Variants in CNTNAP2 observed in about 807,000 individuals in gnomAD.
The protein encoded by CNTNAP2 is contactin-associated protein-like 2.
Under a neutral mutation model 155.2 loss-of-function variants are expected in CNTNAP2, and 98 were observed. The observed-to-expected ratio is 0.63, with a 90% confidence interval of 0.54 to 0.75. The LOEUF (loss-of-function observed/expected upper bound fraction) is 0.75, where lower values mean the gene tolerates loss of function less well. Ranked by LOEUF, CNTNAP2 falls within the 30% of genes least tolerant of loss-of-function variation. CNTNAP2 has a pLI of 0.00. For synonymous variants in CNTNAP2, 651 were observed against 631.2 expected (o/e 1.03, Z -0.47); for missense variants, 1,727 against 1,688.1 (o/e 1.02, Z -0.40).
chr7:147,566,333 G>A (rs1014673326), intron 12 of CNTNAP2, among the ~76,000 whole-genome samples: 1 of 128,096 alleles, frequency 7.8e-6, no homozygotes, highest in Non-Finnish European at 1.7e-5. Flanking sequence ...GAGGGGTAGA[G>A]GGAGGGGGAG....
In CNTNAP2 at chr7:146,426,188, A is replaced by T. The variant is rs1050532065; in HGVS notation, c.97+309215A>T. ...GCTACAGAGTGAGACTTCGCCTCAA[A>T]AAAAAAAAAAAAAAAAAAAAAATTA... On this transcript the variant is annotated intron_variant, in intron 1 of 23. Coordinates refer to ENST00000361727, the MANE Select transcript of CNTNAP2 (RefSeq NM_014141.6). Among the ~76,000 whole-genome samples the T allele has an allele frequency of 9.7e-5, 13 of 134,096 alleles. No homozygotes were observed. In the East Asian group the frequency reaches 2.2e-3, roughly 23 times the overall value. The allele number at this position is 134,096 out of a possible 152,430, so 88.0% of individuals were successfully genotyped here. A position where few individuals can be genotyped will look rare whatever the true frequency, so the allele number is the denominator to read the frequency against.
intron 23 of CNTNAP2, among the ~76,000 whole-genome samples, chr7:148,410,584 A>G (rs1173060068): frequency 5.7e-5 from 8 of 140,310 alleles, no homozygotes; most frequent in Non-Finnish European, 1.1e-4. Flanking sequence ...AAAAAAAAAA[A>G]AAATACGAAA....
At chr7:148,331,724 T>TGGAATGGACGGATGGAG (rs1563045945) in intron 21 of CNTNAP2, among the ~76,000 whole-genome samples, 1 of 29,694 alleles carries the variant, frequency 3.4e-5, no homozygotes, top group Non-Finnish European at 8.4e-5. Flanking sequence ...GACGGATGGA[T>TGGAATGGACGGATGGAG]TGGATGGATG....
At chr7:147,074,388 A>G (rs1799956116) in intron 4 of CNTNAP2, among the ~76,000 whole-genome samples, 1 of 152,114 alleles carries the variant, frequency 6.6e-6, no homozygotes, top group African/African-American at 2.4e-5. Context: ...TGCATATGGC[A>G]CTGCTACCAA....
chr7:147,973,452 A>G (rs781057390), intron 14 of CNTNAP2, among the ~76,000 whole-genome samples: 2 of 152,140 alleles, frequency 1.3e-5, no homozygotes, highest in Non-Finnish European at 2.9e-5. Context: ...TCTGAGTGTT[A>G]TTACTACTAG....
At chr7:147,373,403 G>A (rs1341410556) in intron 9 of CNTNAP2, among the ~76,000 whole-genome samples, 1 of 151,966 alleles carries the variant, frequency 6.6e-6, no homozygotes, top group Admixed American at 6.6e-5. Context: ...CATTTACTAT[G>A]AATTTTAGGT....
At chr7:147,702,755 C>A (rs1322281160) in intron 13 of CNTNAP2, among the ~76,000 whole-genome samples, 4 of 151,998 alleles carry the variant, frequency 2.6e-5, no homozygotes, top group Non-Finnish European at 4.4e-5. Context: ...GAACATGTGG[C>A]CTGTGTAGCC....
chr7:148,122,738 A>T (rs1178109900), intron 16 of CNTNAP2, among the ~76,000 whole-genome samples: 1 of 152,184 alleles, frequency 6.6e-6, no homozygotes, highest in Admixed American at 6.5e-5. Flanking sequence ...GGCAGAATGC[A>T]TAGAAAGAGA....
At chr7:146,445,037 A>G (rs1282115508) in intron 1 of CNTNAP2, among the ~76,000 whole-genome samples, 2 of 151,984 alleles carry the variant, frequency 1.3e-5, no homozygotes, top group Non-Finnish European at 2.9e-5. Flanking sequence ...TGCTCAAATC[A>G]TTTCATAAAC....
intron 13 of CNTNAP2, among the ~76,000 whole-genome samples, chr7:147,686,693 T>G (rs759340570): frequency 6.6e-5 from 10 of 151,780 alleles, no homozygotes. Flanking sequence ...TCAGAAGAGT[T>G]TAGGCTGTCC....
At chr7:146,452,658 A>C (rs1796500740) in intron 1 of CNTNAP2, among the ~76,000 whole-genome samples, 1 of 152,214 alleles carries the variant, frequency 6.6e-6, no homozygotes, top group Admixed American at 6.5e-5. Context: ...TTAACTTCTC[A>C]GAGATAATAA....
chr7:148,113,696 C>G (rs947407636), intron 15 of CNTNAP2, among the ~76,000 whole-genome samples: 23 of 152,222 alleles, frequency 1.5e-4, no homozygotes, highest in African/African-American at 5.5e-4. Flanking sequence ...AGAGGTGCCT[C>G]CCTGGTTCCT....
intron 13 of CNTNAP2, among the ~76,000 whole-genome samples, chr7:147,803,693 C>G (rs1228949268): frequency 2.0e-5 from 3 of 152,180 alleles, no homozygotes; most frequent in Non-Finnish European, 4.4e-5. Context: ...CCATTTAACT[C>G]CCACTTCTTG....
chr7:148,349,257 A>T (rs1048056656), intron 21 of CNTNAP2, among the ~76,000 whole-genome samples: 5 of 152,184 alleles, frequency 3.3e-5, no homozygotes, highest in African/African-American at 1.2e-4. Flanking sequence ...AGATCTAAAG[A>T]CAGGGGGTTC....
At chr7:146,329,256 T>C (rs1247997111) in intron 1 of CNTNAP2, among the ~76,000 whole-genome samples, 1 of 152,180 alleles carries the variant, frequency 6.6e-6, no homozygotes, top group Non-Finnish European at 1.5e-5. Flanking sequence ...ACAAGACATA[T>C]TCTCCTTGCC....
At chr7:147,405,022 T>G (rs1474153245) in intron 10 of CNTNAP2, among the ~76,000 whole-genome samples, 1 of 152,236 alleles carries the variant, frequency 6.6e-6, no homozygotes, top group Non-Finnish European at 1.5e-5. Context: ...TCTTCTTTGA[T>G]GCATTGCATG....
At chr7:146,167,786 A>T (rs57982877) in intron 1 of CNTNAP2, among the ~76,000 whole-genome samples, 2 of 152,166 alleles carry the variant, frequency 1.3e-5, no homozygotes, top group African/African-American at 4.8e-5. Flanking sequence ...AGTCTATTGA[A>T]TATTGACTCA....
intron 11 of CNTNAP2, among the ~76,000 whole-genome samples, chr7:147,509,771 A>T (rs915120043): frequency 6.6e-6 from 1 of 151,944 alleles, no homozygotes; most frequent in Admixed American, 6.6e-5. Context: ...ATAAAGTTTA[A>T]TCCTTTTATG....
chr7:146,859,086 GA>G (rs1291964773), intron 3 of CNTNAP2, among the ~76,000 whole-genome samples: 1 of 152,156 alleles, frequency 6.6e-6, no homozygotes, highest in Non-Finnish European at 1.5e-5. Flanking sequence ...TTGAGATTGA[GA>G]ATAAAGGTAA....
Sources: gnomAD v4.1 joint callset for allele counts (sites outside exome capture counted in the v4.1 genomes callset) on GRCh38, gnomAD v4.1.1 for gene constraint, MANE v1.5 for transcripts, NCBI Gene and HGNC (gene_info 2026-07-23, HGNC 2026-07-21) for gene names.